BBX: variants seen among roughly 807,000 people sequenced by gnomAD.
BBX encodes BBX high mobility group box domain containing.
In BBX, 30 loss-of-function variants were observed where a neutral mutation model predicts 100.2. That is an observed-to-expected ratio of 0.30 (90% CI 0.22 to 0.41). The LOEUF is 0.41. BBX is among the 10% of genes least tolerant of loss of function. The pLI is 1.00. For synonymous variants in BBX, 376 were observed against 388.1 expected (o/e 0.97, Z 0.37); for missense variants, 1,023 against 1,129.8 (o/e 0.91, Z 1.35).
chr3:107,772,602 T>C, intron 10 of BBX, 26 bp from the exon 11 acceptor site: 1 of 1,540,306 alleles, frequency 6.5e-7, no homozygotes, highest in Non-Finnish European at 8.7e-7. Flanking sequence ...TTTCGGGTGC[T>C]CTCCCATTTT....
At chr3:107,768,041 G>A (rs1461768410) in intron 10 of BBX, among the ~76,000 whole-genome samples, 1 of 152,162 alleles carries the variant, frequency 6.6e-6, no homozygotes, top group Non-Finnish European at 1.5e-5. Context: ...GGGCTTCAGT[G>A]TCACTCTTTC....
intron 16 of BBX, 78 bp downstream of exon 16, chr3:107,798,798 G>T: frequency 7.8e-7 from 1 of 1,281,798 alleles, no homozygotes. Flanking sequence ...GAATTGTCTT[G>T]AGCCACAATG....
intron 2 of BBX, among the ~76,000 whole-genome samples, chr3:107,554,929 A>G (rs577606584): frequency 6.6e-6 from 1 of 151,894 alleles, no homozygotes; most frequent in South Asian, 2.1e-4. Context: ...TTAGCCGGGC[A>G]TGGTGACGCA....
chr3:107,530,609 C>T (rs957117728), intron 2 of BBX, among the ~76,000 whole-genome samples: 3 of 152,044 alleles, frequency 2.0e-5, no homozygotes, highest in Non-Finnish European at 4.4e-5. Flanking sequence ...TACAAGGTTG[C>T]ATTTTTTGTA....
Position 107,798,646 on chromosome 3 carries a change from A to G in BBX, c.2477A>G (p.Lys826Arg), listed in dbSNP as rs1284354492. The change falls in exon 16 of 18, where the codon AAA becomes AGA. Residue 826 changes from lysine to arginine, a missense_variant. This residue lies in a region of BBX where 12 missense variants were observed against 30.7 expected (regional missense o/e 0.39). Coordinates refer to ENST00000325805, the MANE Select transcript of BBX (RefSeq NM_001142568.3). ...CCTTTGGTGGGCAGCCAAAAGAGAA[A>G]AGCAAGGAAAACCAAGATTACACAC... ...QEPLVGSQKR[K>R]ARKTKITHLV... 6.2e-7 allele frequency: 1 copy of G among 1,614,128 alleles called. No individual in the cohort carries two copies. The highest frequency in any genetic ancestry group is 8.5e-7 in the Non-Finnish European group (1 of 1,180,026).
chr3:107,670,982 T>TA (rs2058993131), intron 3 of BBX, among the ~76,000 whole-genome samples: 1 of 152,106 alleles, frequency 6.6e-6, no homozygotes, highest in African/African-American at 2.4e-5. Flanking sequence ...AGTTGAGGAA[T>TA]GTCTGTTAGT....
chr3:107,595,354 A>C (rs773391184), intron 2 of BBX, among the ~76,000 whole-genome samples: 4 of 152,192 alleles, frequency 2.6e-5, no homozygotes, highest in Non-Finnish European at 4.4e-5. Context: ...TGAAAAACAG[A>C]ATACCTCCCC....
chr3:107,806,835 A>G lies in BBX; in HGVS notation c.*1378A>G, dbSNP rs558515261. The G allele has an allele frequency of 6.6e-6, 1 of 152,326 alleles. No individual in the cohort carries two copies. The highest frequency in any genetic ancestry group is 2.1e-4 in the South Asian group (1 of 4,824). 9.4% of individuals were successfully genotyped at this position (152,326 alleles called of 1,614,324 possible). A position where few individuals can be genotyped will look rare whatever the true frequency, so the allele number is the denominator to read the frequency against. Reference sequence around the variant, plus strand: ...GGGTATTTGTTCTATAGCACAAAGTATTTCCCCACTCTTGCGTCACAGCAC... The same window carrying G: ...GGGTATTTGTTCTATAGCACAAAGTGTTTCCCCACTCTTGCGTCACAGCAC... On this transcript the variant is annotated 3_prime_UTR_variant, in exon 18 of 18. Transcript: ENST00000325805.
chr3:107,690,267 T>C (rs1037489198), intron 3 of BBX, among the ~76,000 whole-genome samples: 1 of 152,172 alleles, frequency 6.6e-6, no homozygotes, highest in African/African-American at 2.4e-5. Context: ...ATATAGTCTC[T>C]CTTATTTATC....
intron 2 of BBX, among the ~76,000 whole-genome samples, chr3:107,530,940 A>G (rs2048119914): frequency 6.6e-6 from 1 of 152,220 alleles, no homozygotes; most frequent in African/African-American, 2.4e-5. Context: ...ACACTGGCCT[A>G]GAGTGCCTGC....
intron 10 of BBX, among the ~76,000 whole-genome samples, chr3:107,763,212 T>A (rs532585977): frequency 1.7e-4 from 24 of 145,098 alleles, no homozygotes; most frequent in African/African-American, 5.7e-4. Flanking sequence ...GCTTCTGTAC[T>A]TCTGTGGTAT....
In BBX at chr3:107,807,059, G is replaced by A. The variant is rs990655404; in HGVS notation, c.*1602G>A. The A allele has an allele frequency of 4.0e-5, 6 of 151,832 alleles. No individual in the cohort carries two copies. Among genetic ancestry groups the A allele is most frequent in the South Asian group, 2.1e-4 (1 of 4,814 alleles). 9.4% of individuals were successfully genotyped at this position (151,832 alleles called of 1,614,324 possible). On this transcript the variant is annotated 3_prime_UTR_variant, in exon 18 of 18. Transcript: ENST00000325805. ...ATTTTTTTTCTAATTGTAATTTGAC[G>A]TAATAGCCATACAAAAAATGACTCT...
intron 3 of BBX, among the ~76,000 whole-genome samples, chr3:107,685,642 A>G (rs1446431241): frequency 6.6e-6 from 1 of 152,212 alleles, no homozygotes; most frequent in South Asian, 2.1e-4. Flanking sequence ...GCTGTAAGTA[A>G]TGCCTTACAG....
At chr3:107,774,685 T>C in intron 11 of BBX, 34 bp from the exon 12 acceptor site, 1 of 1,608,992 alleles carries the variant, frequency 6.2e-7, no homozygotes, top group Non-Finnish European at 8.5e-7. Flanking sequence ...CCCACCTGTA[T>C]ACCAAACACA....
intron 2 of BBX, among the ~76,000 whole-genome samples, chr3:107,558,125 A>G (rs1315946928): frequency 2.0e-5 from 3 of 152,224 alleles, no homozygotes; most frequent in Non-Finnish European, 4.4e-5. Context: ...TTCTGCTAAA[A>G]TCGAGCTTCA....
Position 107,561,061 on chromosome 3 carries a change from C to G in BBX, c.-84+34663C>G, listed in dbSNP as rs558161188. On this transcript the variant is annotated intron_variant, in intron 2 of 17. Coordinates refer to ENST00000325805, the MANE Select transcript of BBX (RefSeq NM_001142568.3). ...GCTAGTACCACTCTCATAGTCGTGACAATCAAAAATATCTCTAGACATTGA... is the reference window on the plus strand; with the variant it reads ...GCTAGTACCACTCTCATAGTCGTGAGAATCAAAAATATCTCTAGACATTGA... Among the ~76,000 whole-genome samples, 4 of 152,258 alleles carry G rather than the reference C, an allele frequency of 2.6e-5. No individual in the cohort carries two copies. The East Asian group carries it at 7.7e-4, about 29-fold the overall frequency.
rs997160038 is a variant in BBX at position 107,810,182 on chromosome 3, T to C, written c.*4725T>C. On this transcript the variant is annotated 3_prime_UTR_variant, in exon 18 of 18. Coordinates refer to ENST00000325805, the MANE Select transcript of BBX (RefSeq NM_001142568.3). ...CCCATCTGTATGTGCTACCCTTCCT[T>C]CAAATATATAAATGTGCATCTTTTT... 1 of 150,084 alleles carries C rather than the reference T, an allele frequency of 6.7e-6. No individual in the cohort carries two copies. The highest frequency in any genetic ancestry group is 2.5e-5 in the African/African-American group (1 of 40,734). The allele number at this position is 150,084 out of a possible 1,614,324, so 9.3% of individuals were successfully genotyped here.
At chr3:107,725,018 T>C (rs1013618939) in intron 5 of BBX, among the ~76,000 whole-genome samples, 1 of 152,326 alleles carries the variant, frequency 6.6e-6, no homozygotes, top group East Asian at 1.9e-4. Flanking sequence ...ATTTTCACGA[T>C]ATTGATTATT....
intron 3 of BBX, among the ~76,000 whole-genome samples, chr3:107,686,138 T>C (rs1244123377): frequency 6.6e-6 from 1 of 152,224 alleles, no homozygotes; most frequent in Non-Finnish European, 1.5e-5. Flanking sequence ...TCAAGTAATC[T>C]CAGTTTTATA....
Sources: allele counts gnomAD v4.1 joint callset (sites outside exome capture counted in the v4.1 genomes callset), GRCh38; gene constraint gnomAD v4.1.1; regional missense constraint gnomAD v4.1.1; transcripts MANE v1.5; gene names NCBI Gene and HGNC (gene_info 2026-07-23, HGNC 2026-07-21).